Variants in GPHN observed in about 807,000 individuals in gnomAD.
GPHN encodes gephyrin.
GPHN carries 17 observed loss-of-function variants against 95.5 expected under a neutral mutation model. The observed-to-expected ratio is 0.18, with a 90% confidence interval of 0.12 to 0.27. GPHN has a LOEUF of 0.27. Among genes scored for constraint, GPHN ranks in the 10% least tolerant of loss-of-function variants. GPHN has a pLI of 1.00. For synonymous variants in GPHN, 320 were observed against 322.5 expected (o/e 0.99, Z 0.08); for missense variants, 660 against 978.1 (o/e 0.67, Z 4.34).
intron 2 of GPHN, among the ~76,000 whole-genome samples, chr14:66,745,246 A>T (rs527547644): frequency 6.6e-6 from 1 of 152,226 alleles, no homozygotes; most frequent in South Asian, 2.1e-4. Flanking sequence ...GCACACCTAG[A>T]TTCTCATGAT....
intron 5 of GPHN, among the ~76,000 whole-genome samples, chr14:66,904,033 A>G (rs551433018): frequency 4.5e-4 from 69 of 152,062 alleles, no homozygotes; most frequent in African/African-American, 1.5e-3. Context: ...TGTAGCTCCT[A>G]TTGTTTGTGA....
At chr14:67,583,653 G>T in the GPHN span, 1 of 968,202 alleles carries the variant, frequency 1.0e-6, no homozygotes, top group South Asian at 1.8e-5. Flanking sequence ...GGGTAATAAA[G>T]AAATGGTTTA....
At chr14:67,253,171 T>G in the GPHN span, among the ~76,000 whole-genome samples, 1 of 152,234 alleles carries the variant, frequency 6.6e-6, no homozygotes, top group African/African-American at 2.4e-5. Context: ...ATTCCTTATC[T>G]GCAGAATGGG....
intron 2 of GPHN, among the ~76,000 whole-genome samples, chr14:66,700,004 A>T (rs570912099): frequency 1.3e-5 from 2 of 152,236 alleles, no homozygotes; most frequent in Non-Finnish European, 2.9e-5. Flanking sequence ...TTTAGAGACT[A>T]TAAAAGGAGA....
chr14:67,340,456 G>T, the GPHN span: 2 of 1,613,428 alleles, frequency 1.2e-6, no homozygotes, highest in Non-Finnish European at 1.7e-6. Flanking sequence ...AACTCTTCTC[G>T]CTCTCTCTCA....
the GPHN span, chr14:67,412,100 C>T: frequency 1.4e-6 from 2 of 1,480,744 alleles, no homozygotes; most frequent in South Asian, 1.3e-5. Context: ...GTGCGCCTTC[C>T]CCGCGCCTCG....
chr14:67,393,265 A>G, the GPHN span: 1 of 1,556,526 alleles, frequency 6.4e-7, no homozygotes, highest in East Asian at 2.2e-5. Context: ...AAGGCAAAGG[A>G]GAGGGAACCC....
At chr14:66,530,230 G>A (rs1029534390) in intron 1 of GPHN, among the ~76,000 whole-genome samples, 2 of 152,104 alleles carry the variant, frequency 1.3e-5, no homozygotes, top group African/African-American at 4.8e-5. Context: ...AACTTCCCTG[G>A]GCTTTGTTTA....
the GPHN span, chr14:67,734,125 T>A: frequency 2.9e-6 from 1 of 346,294 alleles, no homozygotes; most frequent in East Asian, 6.7e-5. Flanking sequence ...GATCCCAGGC[T>A]GGGCATGGGG....
intron 2 of GPHN, among the ~76,000 whole-genome samples, chr14:66,713,506 C>G (rs2069868800): frequency 6.6e-6 from 1 of 152,150 alleles, no homozygotes; most frequent in African/African-American, 2.4e-5. Flanking sequence ...TATTTTTATA[C>G]CAGTACCATG....
chr14:66,826,739 G>T (rs190631165), intron 4 of GPHN, among the ~76,000 whole-genome samples: 1 of 152,148 alleles, frequency 6.6e-6, no homozygotes, highest in East Asian at 1.9e-4. Flanking sequence ...GGGCAAGGAG[G>T]TTCCATCCCC....
At chr14:67,347,425 G>A in the GPHN span, 1 of 1,607,350 alleles carries the variant, frequency 6.2e-7, no homozygotes. Flanking sequence ...TTCCTTCATG[G>A]TAATGTTCAA....
chr14:66,792,556 G>A (rs2060009902), intron 3 of GPHN, among the ~76,000 whole-genome samples: 1 of 150,740 alleles, frequency 6.6e-6, no homozygotes, highest in Non-Finnish European at 1.5e-5. Context: ...ATAAAGACAT[G>A]TCCAAATAAA....
rs181187251 is a variant in GPHN at position 66,895,511 on chromosome 14, A to T, written c.389+15478A>T. Among the ~76,000 whole-genome samples the T allele has an allele frequency of 5.3e-5, 8 of 152,336 alleles. No individual in the cohort carries two copies. The East Asian group carries it at 9.6e-4, about 18-fold the overall frequency. On this transcript the variant is annotated intron_variant, in intron 5 of 22. Coordinates refer to ENST00000478722, the MANE Select transcript of GPHN (RefSeq NM_020806.5). The stretch of plus-strand genomic sequence containing the variant: ...ACCCTAGAGCTTAAAGTATAATTTT[A>T]AAAAATATGTTTATTTTAAATAAAA...
chr14:67,692,761 C>A, the GPHN span: 1 of 865,798 alleles, frequency 1.2e-6, no homozygotes, highest in Non-Finnish European at 1.8e-6. Flanking sequence ...TAATAATATT[C>A]ATTAAGGGTC....
At chr14:66,593,875 TA>T (rs1484510496) in intron 1 of GPHN, among the ~76,000 whole-genome samples, 1 of 152,130 alleles carries the variant, frequency 6.6e-6, no homozygotes, top group African/African-American at 2.4e-5. Context: ...AAGGAAGAAG[TA>T]AAATTGTCTT....
At chr14:67,243,440 G>A in the GPHN span, among the ~76,000 whole-genome samples, 1 of 151,052 alleles carries the variant, frequency 6.6e-6, no homozygotes, top group Non-Finnish European at 1.5e-5. Context: ...CACCCGCCTC[G>A]GCCTCCTGAA....
At chr14:67,725,017 C>T in the GPHN span, 11 of 1,466,044 alleles carry the variant, frequency 7.5e-6, no homozygotes, top group Non-Finnish European at 8.6e-6. Context: ...AATGCTCTGT[C>T]CCCCAGTCCC....
chr14:67,662,007 A>C, the GPHN span, among the ~76,000 whole-genome samples: 137 of 152,086 alleles, frequency 9.0e-4, no homozygotes, highest in African/African-American at 3.1e-3. Flanking sequence ...ATACAAAAAA[A>C]CAGCCAGGTG....
Sources: allele counts gnomAD v4.1 joint callset (sites outside exome capture counted in the v4.1 genomes callset), GRCh38; gene constraint gnomAD v4.1.1; transcripts MANE v1.5; gene names NCBI Gene and HGNC (gene_info 2026-07-23, HGNC 2026-07-21).